The following SLC9A6 variants were observed in gnomAD, a reference collection of about 807,000 sequenced individuals.
SLC9A6 encodes the protein solute carrier family 9 member A6, also known as sodium/hydrogen exchanger 6.
Under a neutral mutation model 45.3 loss-of-function variants are expected in SLC9A6, and 6 were observed. That is an observed-to-expected ratio of 0.13 (90% CI 0.07 to 0.26). The LOEUF (loss-of-function observed/expected upper bound fraction) is 0.26, where lower values mean the gene tolerates loss of function less well. SLC9A6 is among the 10% of genes least tolerant of loss of function. SLC9A6 has a pLI of 1.00. For synonymous variants in SLC9A6, 191 were observed against 187.7 expected (o/e 1.02, Z -0.14); for missense variants, 278 against 503.7 (o/e 0.55, Z 4.29).
chrX:135,999,826 G>A (rs1274936446), intron 6 of SLC9A6, among the ~76,000 whole-genome samples: 1 of 111,497 alleles, frequency 9.0e-6, no homozygotes, highest in Non-Finnish European at 1.9e-5. Flanking sequence ...AACCTTGTAA[G>A]TTAATCATCT....
intron 2 of SLC9A6, among the ~76,000 whole-genome samples, chrX:135,990,949 G>T (rs987661818): frequency 5.4e-5 from 6 of 111,468 alleles, no homozygotes; most frequent in Non-Finnish European, 1.1e-4. Flanking sequence ...GAATAGTAGA[G>T]AAAAGAGCTG....
chrX:135,978,936 C>T (rs1473922290), intron 1 of SLC9A6, among the ~76,000 whole-genome samples: 1 of 110,636 alleles, frequency 9.0e-6, no homozygotes, highest in African/African-American at 3.3e-5. Context: ...TACCACCACA[C>T]TAGATTCCAG....
chrX:136,025,120 T>TCCA (rs781896434), intron 13 of SLC9A6, among the ~76,000 whole-genome samples: 1 of 112,546 alleles, frequency 8.9e-6, no homozygotes, highest in Non-Finnish European at 1.9e-5. Context: ...TGCGGTTTAC[T>TCCA]CCAACCCTAA....
At chrX:135,988,152 T>C (rs1569523899) in intron 2 of SLC9A6, among the ~76,000 whole-genome samples, 1 of 112,050 alleles carries the variant, frequency 8.9e-6, no homozygotes, top group Non-Finnish European at 1.9e-5. Context: ...GATTACCGAT[T>C]GCATTTTGTG....
chrX:135,984,069 CT>C (rs3834705), upstream of SLC9A6, among the ~76,000 whole-genome samples: 12 of 111,447 alleles, frequency 1.1e-4, no homozygotes, highest in East Asian at 1.7e-3. Flanking sequence ...CGTTTGAGTG[CT>C]TTTTTTGTTT....
chrX:136,027,859 C>T (rs1426965898), intron 13 of SLC9A6, among the ~76,000 whole-genome samples: 2 of 112,439 alleles, frequency 1.8e-5, no homozygotes, highest in East Asian at 2.8e-4. Flanking sequence ...GTCATGTGAA[C>T]GGTGGATCCA....
chrX:136,009,402 C>T (rs1242435412), intron 7 of SLC9A6, among the ~76,000 whole-genome samples: 2 of 110,079 alleles, frequency 1.8e-5, no homozygotes, highest in Admixed American at 1.9e-4. Context: ...TTTTTTTTAA[C>T]CTGGGAGATA....
chrX:135,974,018 A>C (rs1237777144), upstream of SLC9A6: 3 of 587,279 alleles, frequency 5.1e-6, no homozygotes, highest in African/African-American at 8.3e-5. Context: ...GGGCAGGGCC[A>C]GTGGCGAGAA....
chrX:135,974,571 A>T (rs782706832), upstream of SLC9A6: 3 of 334,397 alleles, frequency 9.0e-6, no homozygotes, highest in South Asian at 7.9e-5. Context: ...TAGACCCCTG[A>T]CAGTTGTGTT....
intron 11 of SLC9A6, among the ~76,000 whole-genome samples, chrX:136,018,502 C>G (rs1032408186): frequency 8.9e-6 from 1 of 111,784 alleles, no homozygotes; most frequent in African/African-American, 3.3e-5. Context: ...TATTACATGA[C>G]TGATGCACTC....
At chrX:136,003,704 C>G (rs2089614118) in intron 7 of SLC9A6, among the ~76,000 whole-genome samples, 1 of 112,136 alleles carries the variant, frequency 8.9e-6, no homozygotes, top group African/African-American at 3.2e-5. Context: ...TGTTAAATTG[C>G]TCATCAAAGA....
At position 136,033,486 on chromosome X, in the gene SLC9A6, G is replaced by T; in HGVS notation, c.1654G>T (p.Asp552Tyr). ...AWLFRMWYNF[D>Y]HNYLKPLLTH... is the part of the protein sequence containing the mutation. ...GCTTTTCCGGATGTGGTACAACTTT[G>T]ATCATAAGTATCCTTAATTGAGGGA... Residue 552 changes from aspartate to tyrosine, a missense_variant, in exon 16 of 18, where the codon GAT becomes TAT. Physicochemically the swap from Asp to Tyr is radical, Grantham distance 160. This residue lies in a region of SLC9A6 where 91 missense variants were observed against 125.1 expected (regional missense o/e 0.73). Transcript: ENST00000630721. 8.8e-7 allele frequency: 1 copy of T among 1,133,098 alleles called. No homozygotes were observed. Among genetic ancestry groups the T allele is most frequent in the South Asian group, 1.8e-5 (1 of 55,043 alleles). 93.4% of individuals were successfully genotyped at this position (1,133,098 alleles called of 1,213,427 possible). A position where few individuals can be genotyped will look rare whatever the true frequency, so the allele number is the denominator to read the frequency against.
chrX:135,987,357 C>T (rs1291294114), intron 2 of SLC9A6, among the ~76,000 whole-genome samples: 2 of 111,937 alleles, frequency 1.8e-5, no homozygotes, highest in Non-Finnish European at 1.9e-5. Context: ...GTATTATGCT[C>T]AGAAAATACA....
At chrX:136,043,172 A>G (rs782706132) in intron 17 of SLC9A6, among the ~76,000 whole-genome samples, 1 of 111,681 alleles carries the variant, frequency 9.0e-6, no homozygotes, top group Admixed American at 9.5e-5. Flanking sequence ...AGATAGACTT[A>G]CTGTCCTAAC....
At chrX:135,981,559 G>T (rs2089285676), upstream of SLC9A6, among the ~76,000 whole-genome samples, 1 of 111,800 alleles carries the variant, frequency 8.9e-6, no homozygotes, top group African/African-American at 3.3e-5. Flanking sequence ...GTTAGGTGAG[G>T]AAAAAGTTGA....
In SLC9A6 at chrX:136,010,590, T is replaced by G. The variant is rs886044788; in HGVS notation, c.885+7T>G. The G allele has an allele frequency of 2.3e-5, 28 of 1,197,234 alleles. No individual in the cohort carries two copies. Among genetic ancestry groups the G allele is most frequent in the Non-Finnish European group, 3.2e-5 (28 of 883,499 alleles). On this transcript the variant is annotated splice_region_variant and intron_variant, in intron 8 of 17. Transcript: ENST00000630721. Reference sequence around the variant, plus strand: ...TGGAGTGGTGACAGCTTTAATATCCTTTTGTTATATTTATCTTTTCTTGTT... The same window carrying G: ...TGGAGTGGTGACAGCTTTAATATCCGTTTGTTATATTTATCTTTTCTTGTT...
At chrX:135,978,595 T>G (rs1193618097) in intron 1 of SLC9A6, among the ~76,000 whole-genome samples, 1 of 107,058 alleles carries the variant, frequency 9.3e-6, no homozygotes, top group Non-Finnish European at 1.9e-5. Flanking sequence ...GAGGTTGCAG[T>G]GAGCCAAGAT....
intron 10 of SLC9A6, 106 bp downstream of exon 10, chrX:136,013,543 A>G (rs942325158): frequency 3.6e-6 from 2 of 557,069 alleles, no homozygotes; most frequent in Admixed American, 3.4e-5. Flanking sequence ...TCAAGATGCT[A>G]TCTACTCATT....
intron 2 of SLC9A6, among the ~76,000 whole-genome samples, chrX:135,989,024 T>C (rs2089389395): frequency 9.0e-6 from 1 of 111,296 alleles, no homozygotes; most frequent in African/African-American, 3.3e-5. Flanking sequence ...TTTAAAACCT[T>C]TATTTTTCAG....
Sources: allele counts gnomAD v4.1 joint callset (sites outside exome capture counted in the v4.1 genomes callset), GRCh38; gene constraint gnomAD v4.1.1; regional missense constraint gnomAD v4.1.1; transcripts MANE v1.5; gene names NCBI Gene and HGNC (gene_info 2026-07-23, HGNC 2026-07-21).